ACSL5: variants seen among roughly 807,000 people sequenced by gnomAD.
ACSL5 encodes long-chain-fatty-acid--CoA ligase 5.
A neutral mutation model predicts 84.9 loss-of-function variants in ACSL5; 50 were observed. The ratio of observed to expected loss-of-function variants is 0.59; its 90% CI spans 0.47 to 0.75. The LOEUF (loss-of-function observed/expected upper bound fraction) is 0.75, where lower values mean the gene tolerates loss of function less well. ACSL5 is among the 30% of genes least tolerant of loss of function. The pLI is 0.00. For missense variants in ACSL5, 775 were observed against 830.4 expected (o/e 0.93, Z 0.82); for synonymous variants, 280 against 300.7 (o/e 0.93, Z 0.71).
chr10:112,393,178 A>G (rs17674469), intron 1 of ACSL5, among the ~76,000 whole-genome samples: 14,630 of 151,954 alleles, frequency 0.096, 947 homozygotes, highest in Non-Finnish European at 0.13. Context: ...AAAAATCCCA[A>G]CTCTCAGAAT....
At chr10:112,411,730 C>T (rs1844183741) in intron 10 of ACSL5, among the ~76,000 whole-genome samples, 172 bp from the exon 11 acceptor site, 1 of 152,092 alleles carries the variant, frequency 6.6e-6, no homozygotes, top group South Asian at 2.1e-4. Flanking sequence ...CTTTTAGGAT[C>T]ACTGCAAATT....
chr10:112,377,896 G>A (rs1438586269), intron 1 of ACSL5, among the ~76,000 whole-genome samples: 1 of 152,094 alleles, frequency 6.6e-6, no homozygotes, highest in African/African-American at 2.4e-5. Flanking sequence ...TTCAGAGCAG[G>A]CATACCCCAG....
chr10:112,387,993 C>A (rs1849487576), intron 1 of ACSL5, among the ~76,000 whole-genome samples: 1 of 132,128 alleles, frequency 7.6e-6, no homozygotes, highest in African/African-American at 2.9e-5. Flanking sequence ...GGCTGGAGTG[C>A]AGTGGTGTGA....
At chr10:112,400,458 G>A (rs890808873) in intron 3 of ACSL5, among the ~76,000 whole-genome samples, 2 of 128,024 alleles carry the variant, frequency 1.6e-5, no homozygotes, top group Non-Finnish European at 3.1e-5. Context: ...TGCCCAGGCT[G>A]GAGTGCAGTG....
intron 17 of ACSL5, 90 bp from the exon 18 acceptor site, chr10:112,425,248 A>G: frequency 8.3e-7 from 1 of 1,207,470 alleles, no homozygotes; most frequent in Non-Finnish European, 1.2e-6. Context: ...TCAGCTTTAG[A>G]GAAGAAAGAT....
At chr10:112,379,795 GC>G (rs1174985298) in intron 1 of ACSL5, among the ~76,000 whole-genome samples, 1 of 152,192 alleles carries the variant, frequency 6.6e-6, no homozygotes, top group Non-Finnish European at 1.5e-5. Flanking sequence ...TTGAAAGTTT[GC>G]CCCTGGCAAT....
intron 5 of ACSL5, among the ~76,000 whole-genome samples, chr10:112,407,534 T>C (rs909621806): frequency 2.6e-5 from 4 of 152,040 alleles, no homozygotes; most frequent in African/African-American, 9.7e-5. Flanking sequence ...AAGTTGAGAT[T>C]TGAATGGGTA....
intron 1 of ACSL5, among the ~76,000 whole-genome samples, chr10:112,391,553 C>G (rs181722909): frequency 2.0e-5 from 3 of 152,280 alleles, no homozygotes; most frequent in Non-Finnish European, 1.5e-5. Flanking sequence ...TTTTCATTCT[C>G]ATGAAACTGT....
chr10:112,405,397 C>T (rs1390528047), intron 5 of ACSL5, among the ~76,000 whole-genome samples: 1 of 152,202 alleles, frequency 6.6e-6, no homozygotes, highest in African/African-American at 2.4e-5. Flanking sequence ...TCTGTGTTAA[C>T]TGTCTGTGTT....
chr10:112,420,636 A>C (rs940403368), intron 14 of ACSL5, among the ~76,000 whole-genome samples: 1 of 152,112 alleles, frequency 6.6e-6, no homozygotes, highest in African/African-American at 2.4e-5. Flanking sequence ...GTCAAGTTCA[A>C]TTGCTATTGG....
intron 5 of ACSL5, chr10:112,406,738 C>G (rs759468092): frequency 6.6e-6 from 1 of 152,206 alleles, no homozygotes; most frequent in African/African-American, 2.4e-5. Flanking sequence ...GGGGAGGCCT[C>G]AAGAAACTTA....
intron 1 of ACSL5, among the ~76,000 whole-genome samples, chr10:112,374,817 GC>G (rs1471969086): frequency 6.6e-6 from 1 of 152,148 alleles, no homozygotes; most frequent in African/African-American, 2.4e-5. Context: ...AAACAGCATG[GC>G]CTAAGCTACA....
chr10:112,378,537 G>A (rs973745996), intron 1 of ACSL5, among the ~76,000 whole-genome samples: 1 of 152,108 alleles, frequency 6.6e-6, no homozygotes, highest in African/African-American at 2.4e-5. Context: ...GTGAGCCACT[G>A]CACCTGGCCT....
chr10:112,376,353 G>A (rs778105731), intron 1 of ACSL5: 35 of 1,614,028 alleles, frequency 2.2e-5, no homozygotes, highest in Middle Eastern at 1.6e-4. Context: ...AACCACGAGC[G>A]AGGGAAGAAG....
chr10:112,420,970 C>T (rs1240065570), intron 14 of ACSL5, among the ~76,000 whole-genome samples: 2 of 152,022 alleles, frequency 1.3e-5, no homozygotes, highest in African/African-American at 4.8e-5. Flanking sequence ...GATCCTCCCG[C>T]CTTGGCTTCC....
At chr10:112,422,294 A>C (rs1164752529) in intron 16 of ACSL5, 31 bp from the exon 17 acceptor site, 8 of 1,588,010 alleles carry the variant, frequency 5.0e-6, no homozygotes, top group Admixed American at 3.4e-5. Flanking sequence ...AGCCTTTGCT[A>C]TTGTCACCGC....
chr10:112,404,467 A>G, intron 3 of ACSL5, 44 bp from the exon 4 acceptor site: 2 of 1,496,754 alleles, frequency 1.3e-6, no homozygotes, highest in Non-Finnish European at 1.9e-6. Flanking sequence ...TGGTCCAGAG[A>G]ATTTGCAACT....
At chr10:112,419,727 C>T (rs1245275559) in intron 14 of ACSL5, 3 of 152,050 alleles carry the variant, frequency 2.0e-5, no homozygotes, top group Non-Finnish European at 2.9e-5. Flanking sequence ...TCATTTTTGC[C>T]CTGTGTATTG....
chr10:112,384,187 G>A (rs1336220532), intron 1 of ACSL5, among the ~76,000 whole-genome samples: 2 of 149,716 alleles, frequency 1.3e-5, no homozygotes, highest in African/African-American at 4.9e-5. Context: ...CTCTGTCTCA[G>A]AAAAAAAAAC....
Sources: gnomAD v4.1 joint callset for allele counts (sites outside exome capture counted in the v4.1 genomes callset) on GRCh38, gnomAD v4.1.1 for gene constraint, MANE v1.5 for transcripts, NCBI Gene and HGNC (gene_info 2026-07-23, HGNC 2026-07-21) for gene names.